HOMEZ: variants seen among roughly 807,000 people sequenced by gnomAD.
The protein encoded by HOMEZ is homeobox and leucine zipper protein Homez.
A neutral mutation model predicts 50.1 loss-of-function variants in HOMEZ; 20 were observed. The ratio of observed to expected loss-of-function variants is 0.40; its 90% CI spans 0.28 to 0.58. The LOEUF (loss-of-function observed/expected upper bound fraction) is 0.58, where lower values mean the gene tolerates loss of function less well. Among genes scored for constraint, HOMEZ ranks in the 20% least tolerant of loss-of-function variants. HOMEZ has a pLI of 0.46. For synonymous variants in HOMEZ, 239 were observed against 254.7 expected (o/e 0.94, Z 0.59); for missense variants, 579 against 680.5 (o/e 0.85, Z 1.66).
intron 1 of HOMEZ, among the ~76,000 whole-genome samples, chr14:23,278,904 G>C (rs1352966773): frequency 1.3e-5 from 2 of 152,066 alleles, no homozygotes; most frequent in East Asian, 3.9e-4. Flanking sequence ...CCGAACTCCT[G>C]ACCTCAAGTG....
intron 1 of HOMEZ, among the ~76,000 whole-genome samples, chr14:23,277,878 G>A (rs1160566899): frequency 6.6e-6 from 1 of 152,020 alleles, no homozygotes; most frequent in Non-Finnish European, 1.5e-5. Context: ...CGCCCAGGCT[G>A]GAGTGCAGTG....
intron 1 of HOMEZ, among the ~76,000 whole-genome samples, chr14:23,277,621 CT>C (rs1174307891): frequency 6.6e-6 from 1 of 152,034 alleles, no homozygotes; most frequent in Non-Finnish European, 1.5e-5. Flanking sequence ...TGGTTCGTGC[CT>C]GTCGTCCCAA....
rs536056746 is a variant in HOMEZ at position 23,272,989 on chromosome 14, T to C, written c.*2586A>G. ...TGGCCCTGGAAAATGTATCCCTGCATTGTTTCCTAGTTTCACTCTGTACCT... is the reference window on the plus strand; with the variant it reads ...TGGCCCTGGAAAATGTATCCCTGCACTGTTTCCTAGTTTCACTCTGTACCT... On this transcript the variant is annotated 3_prime_UTR_variant, in exon 2 of 2. Coordinates refer to ENST00000357460, the MANE Select transcript of HOMEZ (RefSeq NM_020834.3). The C allele has an allele frequency of 1.1e-4, 74 of 678,154 alleles. No homozygotes were observed. Among genetic ancestry groups the C allele is most frequent in the Non-Finnish European group, 8.1e-5 (33 of 406,454 alleles). The allele number at this position is 678,154 out of a possible 1,614,324, so 42.0% of individuals were successfully genotyped here.
Position 23,276,466 on chromosome 14 carries a change from G to A in HOMEZ, c.762C>T (p.Val254=), listed in dbSNP as rs750429457. Residue 254 remains valine, a synonymous_variant, in exon 2 of 2, where the codon GTC becomes GTT. Transcript: ENST00000357460. The surrounding 1 kb of genome is among the most constrained non-coding windows in gnomAD (Gnocchi z 4.1). ...GTASWNHSTT[V]PQPQARDKPP... Reference sequence around the variant, plus strand: ...GTTTATCCCGAGCTTGTGGCTGGGGGACGGTTGTGGAGTGGTTCCAGGAAG... The same window carrying A: ...GTTTATCCCGAGCTTGTGGCTGGGGAACGGTTGTGGAGTGGTTCCAGGAAG... The A allele has an allele frequency of 1.4e-5, 23 of 1,613,948 alleles. No individual in the cohort carries two copies. In the East Asian group the frequency reaches 4.9e-4, roughly 34 times the overall value.
rs1293357206 is a variant in HOMEZ, at chr14:23,276,528, C to A, written c.700G>T (p.Gly234Cys). Residue 234 changes from glycine (G) to cysteine (C), a missense_variant, in exon 2 of 2, where the codon GGC becomes TGC. By Grantham distance (159) the Gly-to-Cys change is radical. Transcript: ENST00000357460. The surrounding 1 kb of genome is among the most constrained non-coding windows in gnomAD (Gnocchi z 4.1). The part of the protein sequence containing the change: ...QSSGLSKEQA[G>C]RGPNQSHGIG... ...CCATGTGACTGGTTGGGACCCCTGC[C>A]TGCCTGCTCCTTTGAGAGGCCACTG... is the stretch of plus-strand genomic sequence containing the variant. 6.2e-7 allele frequency: 1 copy of A among 1,613,928 alleles called. No homozygotes were observed. Among genetic ancestry groups the A allele is most frequent in the African/African-American group, 1.3e-5 (1 of 74,930 alleles).
intron 1 of HOMEZ, 85 bp downstream of exon 1, chr14:23,285,828 C>G: frequency 1.3e-6 from 1 of 772,130 alleles, no homozygotes; most frequent in African/African-American, 1.8e-5. Context: ...GAATTATCCC[C>G]CCACCAGCGC....
In HOMEZ at chr14:23,280,750, T is replaced by TTTATTTTA. The variant is rs1566451238; in HGVS notation, c.41-3571_41-3564dup. ...ATTTTATTTTATTTTATTATTTTAT[T>TTTATTTTA]TTATTTTATTTTATTTTATTTTATT... On this transcript the variant is annotated intron_variant, in intron 1 of 1. Coordinates refer to ENST00000357460, the MANE Select transcript of HOMEZ (RefSeq NM_020834.3). Among the ~76,000 whole-genome samples the TTTATTTTA allele has an allele frequency of 1.5e-3, 127 of 87,242 alleles. 2 individuals are homozygous for TTTATTTTA. The highest frequency in any genetic ancestry group is 9.3e-3 in the South Asian group (19 of 2,042). The allele number at this position is 87,242 out of a possible 152,430, so 57.2% of individuals were successfully genotyped here. A position where few individuals can be genotyped will look rare whatever the true frequency, so the allele number is the denominator to read the frequency against.
At chr14:23,280,706 T>TTATC (rs1555323537) in intron 1 of HOMEZ, among the ~76,000 whole-genome samples, 1 of 81,810 alleles carries the variant, frequency 1.2e-5, no homozygotes. Flanking sequence ...TTTTTATATT[T>TTATC]TTATTTTTAT....
Position 23,273,047 on chromosome 14 carries a change from T to C in HOMEZ, c.*2528A>G, listed in dbSNP as rs755929811. 4.0e-6 allele frequency: 2 copies of C among 505,912 alleles called. No individual in the cohort carries two copies. The highest frequency in any genetic ancestry group is 3.7e-5 in the Admixed American group (1 of 26,792). 31.3% of individuals were successfully genotyped at this position (505,912 alleles called of 1,614,324 possible). ...CCCCCATCTTTACCCTATTCACCCT[T>C]ATCACCTCCCAGGACAGTGGTCAGG... On this transcript the variant is annotated 3_prime_UTR_variant, in exon 2 of 2. Coordinates refer to ENST00000357460, the MANE Select transcript of HOMEZ (RefSeq NM_020834.3).
At position 23,277,055 on chromosome 14, in the gene HOMEZ, G is replaced by A; in HGVS notation, c.173C>T (p.Ala58Val). ...GCTGTCTAGCTCACTGGTCTGGGCT[G>A]CTTGCGTCCACACAAGCTGTAGCTC... ...SEELQLVWTQ[A>V]AQTSELDSNE... The change falls in exon 2 of 2, where the codon GCA becomes GTA. Residue 58 changes from alanine to valine, a missense_variant. Coordinates refer to ENST00000357460, the MANE Select transcript of HOMEZ (RefSeq NM_020834.3). 1.2e-6 allele frequency: 2 copies of A among 1,614,044 alleles called. No homozygotes were observed. The highest frequency in any genetic ancestry group is 1.7e-6 in the Non-Finnish European group (2 of 1,179,906).
intron 1 of HOMEZ, among the ~76,000 whole-genome samples, chr14:23,278,540 A>T (rs956552455): frequency 6.6e-6 from 1 of 151,598 alleles, no homozygotes; most frequent in East Asian, 1.9e-4. Flanking sequence ...TAATTTTAAA[A>T]TTTTTTGTAG....
At chr14:23,281,799 A>AAATAAGAAT (rs373813132) in intron 1 of HOMEZ, among the ~76,000 whole-genome samples, 1 of 137,456 alleles carries the variant, frequency 7.3e-6, no homozygotes, top group African/African-American at 2.8e-5. Context: ...CTGTCTCTAC[A>AAATAAGAAT]AATAATAATA....
At position 23,275,590 on chromosome 14, in the gene HOMEZ, CA is replaced by C; in HGVS notation, c.1637del (p.Val546GlyfsTer17). On this transcript the variant is annotated frameshift_variant, in exon 2 of 2. Transcript: ENST00000357460. LOFTEE classifies it high-confidence loss of function. ...EEDDDDDDDD[V>X]IIQD is the part of the protein sequence containing the mutation. ...AGCTCCCCACTCAGTCTTGTATGATCACATCATCATCATCATCATCATCATC... is the reference window on the plus strand; with the variant it reads ...AGCTCCCCACTCAGTCTTGTATGATCCATCATCATCATCATCATCATCATC... 6.6e-7 allele frequency: 1 copy of C among 1,506,220 alleles called. No individual in the cohort carries two copies. The highest frequency in any genetic ancestry group is 1.2e-5 in the South Asian group (1 of 81,480). The allele number at this position is 1,506,220 out of a possible 1,614,324, so 93.3% of individuals were successfully genotyped here. A position where few individuals can be genotyped will look rare whatever the true frequency, so the allele number is the denominator to read the frequency against.
At position 23,272,791 on chromosome 14, in the gene HOMEZ, AC is replaced by A. The variant is rs1886204726; in HGVS notation, c.*2783del. The A allele has an allele frequency of 6.9e-7, 1 of 1,458,038 alleles. No homozygotes were observed. Among genetic ancestry groups the A allele is most frequent in the South Asian group, 1.2e-5 (1 of 82,278 alleles). 90.3% of individuals were successfully genotyped at this position (1,458,038 alleles called of 1,614,324 possible). A position where few individuals can be genotyped will look rare whatever the true frequency, so the allele number is the denominator to read the frequency against. ...GCTTGCCCTTTTTGCTGTTATAAACACCCACATCTACCTTCTTGTCCTCTGC... is the reference window on the plus strand; with the variant it reads ...GCTTGCCCTTTTTGCTGTTATAAACACCACATCTACCTTCTTGTCCTCTGC... On this transcript the variant is annotated 3_prime_UTR_variant, in exon 2 of 2. Transcript: ENST00000357460.
At chr14:23,285,394 T>C (rs960251035) in intron 1 of HOMEZ, 16 of 152,214 alleles carry the variant, frequency 1.1e-4, no homozygotes, top group African/African-American at 3.6e-4. Context: ...CCTGGTTGGT[T>C]CTCTTAGTAT....
At position 23,275,944 on chromosome 14, in the gene HOMEZ, A is replaced by G; in HGVS notation, c.1284T>C (p.Pro428=). 1 of 1,610,330 alleles carries G rather than the reference A, an allele frequency of 6.2e-7. No individual in the cohort carries two copies. Among genetic ancestry groups the G allele is most frequent in the South Asian group, 1.1e-5 (1 of 90,552 alleles). Residue 428 remains proline (P), a synonymous_variant, in exon 2 of 2, where the codon CCT becomes CCC. Coordinates refer to ENST00000357460, the MANE Select transcript of HOMEZ (RefSeq NM_020834.3). ...WFRDNAVPGA[P]SFQDPAIPTP... is the part of the protein sequence containing the mutation. ...TAGGAATTGCTGGGTCTTGGAAACT[A>G]GGGGCACCAGGTACTGCGTTGTCCC...
At chr14:23,283,582 T>TA (rs2140509600) in intron 1 of HOMEZ, among the ~76,000 whole-genome samples, 1 of 151,976 alleles carries the variant, frequency 6.6e-6, no homozygotes, top group South Asian at 2.1e-4. Context: ...GGCTTATCGT[T>TA]AAAGTAGGAG....
chr14:23,280,770 T>TTTA (rs1403508358), intron 1 of HOMEZ, among the ~76,000 whole-genome samples: 3 of 118,078 alleles, frequency 2.5e-5, no homozygotes, highest in Admixed American at 2.0e-4. Context: ...TTTATTTTAT[T>TTTA]TTATTTTATT....
rs199725775 is a variant in HOMEZ, at chr14:23,280,745, T to A, written c.41-3558A>T. On this transcript the variant is annotated intron_variant, in intron 1 of 1. Transcript: ENST00000357460. ...ATTTTATTTTATTTTATTTTATTAT[T>A]TTATTTTATTTTATTTTATTTTATT... Among the ~76,000 whole-genome samples, 35 of 78,716 alleles carry A rather than the reference T, an allele frequency of 4.4e-4. 1 individual carries two copies. The highest frequency in any genetic ancestry group is 6.0e-4 in the African/African-American group (12 of 19,932). 51.6% of individuals were successfully genotyped at this position (78,716 alleles called of 152,430 possible). A position where few individuals can be genotyped will look rare whatever the true frequency, so the allele number is the denominator to read the frequency against.
Sources: allele counts gnomAD v4.1 joint callset (sites outside exome capture counted in the v4.1 genomes callset), GRCh38; gene constraint gnomAD v4.1.1; non-coding constraint Gnocchi (gnomAD v3.1); transcripts MANE v1.5; gene names NCBI Gene and HGNC (gene_info 2026-07-23, HGNC 2026-07-21).